The following STARD13 variants were observed in gnomAD, a reference collection of about 807,000 sequenced individuals.
The protein encoded by STARD13 is StAR related lipid transfer domain containing 13.
In STARD13, 62 loss-of-function variants were observed where a neutral mutation model predicts 106.4. The ratio of observed to expected loss-of-function variants is 0.58; its 90% confidence interval spans 0.48 to 0.72. The LOEUF is 0.72. Ranked by LOEUF, STARD13 falls within the 30% of genes least tolerant of loss-of-function variation. The pLI is 0.00. For synonymous variants in STARD13, 565 were observed against 553.0 expected, an observed-to-expected ratio of 1.02 and a Z score of -0.31; for missense variants, 1,387 against 1,424.0, an observed-to-expected ratio of 0.97 and a Z score of 0.42.
chr13:33,634,968 G>A, the STARD13 span, among the ~76,000 whole-genome samples: 1 of 152,196 alleles, frequency 6.6e-6, no homozygotes, highest in African/African-American at 2.4e-5. Flanking sequence ...GCAGGAGAGA[G>A]GCAGCTATGC....
At chr13:33,391,932 C>T in the STARD13 span, among the ~76,000 whole-genome samples, 1 of 152,112 alleles carries the variant, frequency 6.6e-6, no homozygotes, top group Non-Finnish European at 1.5e-5. Context: ...AAATGACTGC[C>T]TTTTGGAAAA....
At chr13:33,466,729 C>G in the STARD13 span, among the ~76,000 whole-genome samples, 1 of 151,948 alleles carries the variant, frequency 6.6e-6, no homozygotes, top group South Asian at 2.1e-4. Flanking sequence ...TAAACCCCAA[C>G]AAAACAAGGA....
chr13:33,665,732 G>T, the STARD13 span, among the ~76,000 whole-genome samples: 8 of 152,164 alleles, frequency 5.3e-5, no homozygotes, highest in Non-Finnish European at 8.8e-5. Context: ...TCAACTGAAA[G>T]CTTTCTGGCT....
chr13:33,504,833 G>A, the STARD13 span, among the ~76,000 whole-genome samples: 1 of 152,182 alleles, frequency 6.6e-6, no homozygotes, highest in Non-Finnish European at 1.5e-5. Flanking sequence ...CTGAGCCACT[G>A]TGCACTGCCT....
intron 1 of STARD13, among the ~76,000 whole-genome samples, chr13:33,300,520 T>A (rs1892670264): frequency 6.6e-6 from 1 of 152,152 alleles, no homozygotes; most frequent in Non-Finnish European, 1.5e-5. Context: ...CTCTGGAGAG[T>A]ATTTTATGAC....
the STARD13 span, among the ~76,000 whole-genome samples, chr13:33,482,263 G>A: frequency 2.0e-5 from 3 of 152,218 alleles, no homozygotes; most frequent in African/African-American, 7.2e-5. Flanking sequence ...TAATGTGTAC[G>A]TGAGGGTTCA....
intron 3 of STARD13, among the ~76,000 whole-genome samples, chr13:33,147,961 G>T (rs78561147): frequency 1.3e-5 from 2 of 152,262 alleles, no homozygotes; most frequent in South Asian, 4.2e-4. Context: ...AAGGCAATAC[G>T]ATGGATAAAA....
the STARD13 span, among the ~76,000 whole-genome samples, chr13:33,660,590 T>A: frequency 1.3e-5 from 2 of 152,176 alleles, no homozygotes; most frequent in African/African-American, 4.8e-5. Flanking sequence ...TGTGGGTTTG[T>A]TTGTTTTTCA....
At chr13:33,620,637 CTTA>C in the STARD13 span, among the ~76,000 whole-genome samples, 3 of 151,556 alleles carry the variant, frequency 2.0e-5, no homozygotes, top group Admixed American at 6.6e-5. Context: ...TAAACTTTGT[CTTA>C]ACACATTTCA....
At chr13:33,650,164 A>ATGTTTTTTTTTTTTTTTTTTTT in the STARD13 span, among the ~76,000 whole-genome samples, 1 of 48,358 alleles carries the variant, frequency 2.1e-5, no homozygotes, top group African/African-American at 8.2e-5. Context: ...CGTGACTCCA[A>ATGTTTTTTTTTTTTTTTTTTTT]TTTTTTTTTT....
At chr13:33,118,805 T>C (rs948933731) in intron 7 of STARD13, among the ~76,000 whole-genome samples, 4 of 152,326 alleles carry the variant, frequency 2.6e-5, no homozygotes, top group African/African-American at 9.6e-5. Context: ...GGGGAATATG[T>C]TCATGAAACA....
At chr13:33,308,520 C>CTTTTTTTTTTTTTTTTTTTTTTTGT (rs552526416) in intron 1 of STARD13, among the ~76,000 whole-genome samples, 6 of 88,550 alleles carry the variant, frequency 6.8e-5, no homozygotes, top group South Asian at 4.7e-4. Context: ...CTTTTTCTTT[C>CTTTTTTTTTTTTTTTTTTTTTTTGT]TTTTTTTTTT....
the STARD13 span, among the ~76,000 whole-genome samples, chr13:33,457,720 AGGCAGAAGG>A: frequency 1.3e-5 from 2 of 152,208 alleles, no homozygotes; most frequent in African/African-American, 4.8e-5. Context: ...TGTTCCAACA[AGGCAGAAGG>A]GGCAGGGATC....
At chr13:33,132,182 T>C (rs1434297697) in intron 4 of STARD13, among the ~76,000 whole-genome samples, 1 of 152,244 alleles carries the variant, frequency 6.6e-6, no homozygotes, top group African/African-American at 2.4e-5. Flanking sequence ...CAGAAAAGAA[T>C]TCTATGGCTT....
At chr13:33,582,988 G>A in the STARD13 span, among the ~76,000 whole-genome samples, 1 of 152,122 alleles carries the variant, frequency 6.6e-6, no homozygotes, top group Non-Finnish European at 1.5e-5. Context: ...ATGAGCATAG[G>A]CACTTTTCTC....
the STARD13 span, among the ~76,000 whole-genome samples, chr13:33,642,502 C>G: frequency 6.6e-6 from 1 of 152,128 alleles, no homozygotes; most frequent in Non-Finnish European, 1.5e-5. Context: ...GCTTCAGGCC[C>G]CCTGCAGAAA....
the STARD13 span, among the ~76,000 whole-genome samples, chr13:33,453,979 A>T: frequency 2.0e-5 from 3 of 152,138 alleles, no homozygotes; most frequent in Non-Finnish European, 4.4e-5. Context: ...CTAAACAGAC[A>T]GTCCTTGAAT....
At chr13:33,530,821 A>G in the STARD13 span, among the ~76,000 whole-genome samples, 4 of 152,204 alleles carry the variant, frequency 2.6e-5, no homozygotes, top group Non-Finnish European at 5.9e-5. Context: ...ATGAATTGGA[A>G]TATGTTTATA....
At chr13:33,472,926 C>T in the STARD13 span, among the ~76,000 whole-genome samples, 8 of 152,116 alleles carry the variant, frequency 5.3e-5, no homozygotes, top group African/African-American at 1.7e-4. Context: ...ACTAATTTAC[C>T]CTCCCCTCAG....
Sources: allele counts gnomAD v4.1 joint callset (sites outside exome capture counted in the v4.1 genomes callset), GRCh38; gene constraint gnomAD v4.1.1; transcripts MANE v1.5; gene names NCBI Gene and HGNC (gene_info 2026-07-23, HGNC 2026-07-21).